CDH13: variants seen among roughly 807,000 people sequenced by gnomAD.
The protein encoded by CDH13 is cadherin-13.
Under a neutral mutation model 63.8 loss-of-function variants are expected in CDH13, and 24 were observed. That is an observed-to-expected ratio of 0.38 (90% CI 0.27 to 0.53). The LOEUF is 0.53. Ranked by LOEUF, CDH13 falls within the 20% of genes least tolerant of loss-of-function variation. The probability of loss-of-function intolerance (pLI) is 0.85; values close to 1 mark genes in which losing one functional copy is unlikely to be tolerated. For missense variants in CDH13, 1,049 were observed against 903.1 expected (o/e 1.16, Z -2.07); for synonymous variants, 503 against 355.3 (o/e 1.42, Z -4.67).
At chr16:82,942,682 A>G (rs192815885) in intron 2 of CDH13, among the ~76,000 whole-genome samples, 4 of 152,326 alleles carry the variant, frequency 2.6e-5, no homozygotes, top group Admixed American at 6.5e-5. Flanking sequence ...CAACAATAAA[A>G]GAAGGAAGAT....
intron 1 of CDH13, among the ~76,000 whole-genome samples, chr16:82,683,551 G>C (rs1190480602): frequency 6.6e-6 from 1 of 152,212 alleles, no homozygotes; most frequent in Non-Finnish European, 1.5e-5. Context: ...AAGGAGTCAA[G>C]CACACAAATA....
intron 7 of CDH13, among the ~76,000 whole-genome samples, chr16:83,579,641 AC>A (rs957237947): frequency 6.6e-6 from 1 of 151,906 alleles, no homozygotes; most frequent in Admixed American, 6.6e-5. Context: ...TTGGGCGGTG[AC>A]CCAAATCCAA....
chr16:83,565,380 G>GTTTTTT (rs1351825798), intron 7 of CDH13, among the ~76,000 whole-genome samples: 1 of 26,398 alleles, frequency 3.8e-5, no homozygotes, highest in African/African-American at 1.5e-4. Context: ...CTCTTCCACT[G>GTTTTTT]TTCTTTTTTT....
chr16:82,933,562 C>T (rs116039516), intron 2 of CDH13, among the ~76,000 whole-genome samples: 3,131 of 152,278 alleles, frequency 0.021, 100 homozygotes, highest in African/African-American at 0.071. Flanking sequence ...ATTATGCCTT[C>T]CCAACAGTTT....
chr16:83,628,597 A>C lies in CDH13; in HGVS notation c.1101+26003A>C, dbSNP rs532782034. On this transcript the variant is annotated intron_variant, in intron 8 of 13. Coordinates refer to ENST00000567109, the MANE Select transcript of CDH13 (RefSeq NM_001257.5). ...GGCAATTGCCCTTGATGCTAAGACTAACCACAAGCTCTTCCCAGTCTGTAG... is the reference window on the plus strand; with the variant it reads ...GGCAATTGCCCTTGATGCTAAGACTCACCACAAGCTCTTCCCAGTCTGTAG... Among the ~76,000 whole-genome samples, 4 of 152,302 alleles carry C rather than the reference A, an allele frequency of 2.6e-5. No homozygotes were observed. In the South Asian group the frequency reaches 8.3e-4, roughly 32 times the overall value.
At chr16:83,130,969 G>A (rs1482446217) in intron 4 of CDH13, among the ~76,000 whole-genome samples, 1 of 152,072 alleles carries the variant, frequency 6.6e-6, no homozygotes, top group African/African-American at 2.4e-5. Flanking sequence ...ACCCACAGCA[G>A]GGTTATTCAG....
At chr16:83,021,137 G>T (rs909537697) in intron 2 of CDH13, among the ~76,000 whole-genome samples, 1 of 152,130 alleles carries the variant, frequency 6.6e-6, no homozygotes, top group Non-Finnish European at 1.5e-5. Flanking sequence ...TTTTTCTTTC[G>T]CTTAATGGGT....
At chr16:83,295,473 G>C (rs2089569763) in intron 5 of CDH13, among the ~76,000 whole-genome samples, 1 of 151,956 alleles carries the variant, frequency 6.6e-6, no homozygotes, top group Non-Finnish European at 1.5e-5. Context: ...CTGTACATCT[G>C]ATAAAATAGA....
Position 83,799,821 on chromosome 16 carries a change from T to C in CDH13, c.*4791T>C, listed in dbSNP as rs1325618475. ...TCCTATTGCTAATAGATTAGCCCAC[T>C]ATTGAAAAAATTCTGCAGTTGTGAC... On this transcript the variant is annotated 3_prime_UTR_variant, in exon 14 of 14. Coordinates refer to ENST00000567109, the MANE Select transcript of CDH13 (RefSeq NM_001257.5). The C allele has an allele frequency of 6.6e-6, 1 of 152,198 alleles. No individual in the cohort carries two copies. The highest frequency in any genetic ancestry group is 1.5e-5 in the Non-Finnish European group (1 of 68,042). 9.4% of individuals were successfully genotyped at this position (152,198 alleles called of 1,614,324 possible). A position where few individuals can be genotyped will look rare whatever the true frequency, so the allele number is the denominator to read the frequency against.
chr16:82,946,677 C>T (rs560310906), intron 2 of CDH13, among the ~76,000 whole-genome samples: 61 of 151,564 alleles, frequency 4.0e-4, no homozygotes, highest in African/African-American at 1.5e-3. Flanking sequence ...GCCAAGATCA[C>T]ACCACTGCAC....
intron 1 of CDH13, among the ~76,000 whole-genome samples, chr16:82,847,764 G>A (rs1472058862): frequency 6.6e-6 from 1 of 152,166 alleles, no homozygotes; most frequent in African/African-American, 2.4e-5. Flanking sequence ...CAAAGAGCAT[G>A]TGAAGGCCAT....
Position 82,651,147 on chromosome 16 carries a change from A to G in CDH13, c.45+24010A>G, listed in dbSNP as rs139840623. 2.6e-3 allele frequency among the ~76,000 whole-genome samples: 389 copies of G among 152,358 alleles called. 2 individuals are homozygous for G. Among genetic ancestry groups the G allele is most frequent in the African/African-American group, 9.0e-3 (373 of 41,582 alleles). Reference sequence around the variant, plus strand: ...TCTAATTTTAGTGGGTGGCAAGACTATGAACAACCATCATTATCTGTGCTC... The same window carrying G: ...TCTAATTTTAGTGGGTGGCAAGACTGTGAACAACCATCATTATCTGTGCTC... On this transcript the variant is annotated intron_variant, in intron 1 of 13. Transcript: ENST00000567109.
chr16:83,457,630 G>C (rs879764656), intron 6 of CDH13, among the ~76,000 whole-genome samples: 2 of 152,028 alleles, frequency 1.3e-5, no homozygotes, highest in Non-Finnish European at 2.9e-5. Context: ...GAGCACCTAA[G>C]GCAGACTCTG....
At chr16:83,146,021 C>A (rs1330657460) in intron 4 of CDH13, among the ~76,000 whole-genome samples, 1 of 151,950 alleles carries the variant, frequency 6.6e-6, no homozygotes, top group Non-Finnish European at 1.5e-5. Flanking sequence ...TGGTGAAACC[C>A]CATCTCTGCT....
At chr16:83,210,448 G>A (rs918430690) in intron 4 of CDH13, among the ~76,000 whole-genome samples, 2 of 152,100 alleles carry the variant, frequency 1.3e-5, no homozygotes, top group African/African-American at 4.8e-5. Flanking sequence ...AATTAGGACA[G>A]GAGATGGGAT....
chr16:82,792,604 C>A (rs909772548), intron 1 of CDH13, among the ~76,000 whole-genome samples: 1 of 152,122 alleles, frequency 6.6e-6, no homozygotes, highest in Non-Finnish European at 1.5e-5. Context: ...TGTCATATGC[C>A]ACTGCATCCC....
chr16:82,831,824 G>T (rs916526747), intron 1 of CDH13, among the ~76,000 whole-genome samples: 1 of 152,100 alleles, frequency 6.6e-6, no homozygotes, highest in Non-Finnish European at 1.5e-5. Context: ...ACATCTAAGG[G>T]CAAAACAGAC....
chr16:83,785,825 C>T (rs1915841978), intron 13 of CDH13, among the ~76,000 whole-genome samples: 1 of 152,140 alleles, frequency 6.6e-6, no homozygotes, highest in Non-Finnish European at 1.5e-5. Context: ...TTTAAAGCCT[C>T]ACCAGGTGGT....
At chr16:82,774,743 C>T (rs1427437439) in intron 1 of CDH13, among the ~76,000 whole-genome samples, 1 of 152,168 alleles carries the variant, frequency 6.6e-6, no homozygotes, top group East Asian at 1.9e-4. Flanking sequence ...CTGCTGCATT[C>T]ATGAACAGTC....
Sources: allele counts gnomAD v4.1 joint callset (sites outside exome capture counted in the v4.1 genomes callset), GRCh38; gene constraint gnomAD v4.1.1; transcripts MANE v1.5; gene names NCBI Gene and HGNC (gene_info 2026-07-23, HGNC 2026-07-21).